Variants in TTN observed in about 807,000 individuals in gnomAD.
The protein encoded by TTN is titin, also known as connectin.
A neutral mutation model predicts 3,223.0 loss-of-function variants in TTN; 1,525 were observed. That is an observed-to-expected ratio of 0.47 (90% CI 0.45 to 0.49). The LOEUF is 0.49. Ranked by LOEUF, TTN falls within the 20% of genes least tolerant of loss-of-function variation. The pLI, the probability that TTN is intolerant of heterozygous loss-of-function variation, is 0.00. For synonymous variants in TTN, 14,094 were observed against 15,161.0 expected (o/e 0.93, Z 5.17); for missense variants, 40,786 against 43,424.0 (o/e 0.94, Z 5.40).
rs1574570701 is a variant in TTN at position 178,770,539 on chromosome 2, T to C, written c.8253A>G (p.Glu2751=). 2 of 1,614,152 alleles carry C rather than the reference T, an allele frequency of 1.2e-6. No homozygotes were observed. The highest frequency in any genetic ancestry group is 1.7e-6 in the Non-Finnish European group (2 of 1,180,004). Residue 2751 remains glutamate (E), a synonymous_variant, in exon 35 of 363, where the codon GAA becomes GAG. Transcript: ENST00000589042. ...TTCCTTTGACAGAGATAGCATACTTTTCATTGGATTCCAGCACAACTCCAT... is the reference window on the plus strand; with the variant it reads ...TTCCTTTGACAGAGATAGCATACTTCTCATTGGATTCCAGCACAACTCCAT... ...IKNGVVLESN[E]KYAISVKGTI...
Position 178,695,866 on chromosome 2 carries a change from T to G in TTN, c.31206A>C (p.Glu10402Asp). The G allele has an allele frequency of 6.9e-7, 1 of 1,448,966 alleles. No individual in the cohort carries two copies. The highest frequency in any genetic ancestry group is 9.1e-7 in the Non-Finnish European group (1 of 1,101,066). The allele number at this position is 1,448,966 out of a possible 1,614,324, so 89.8% of individuals were successfully genotyped here. A position where few individuals can be genotyped will look rare whatever the true frequency, so the allele number is the denominator to read the frequency against. ...EVIQVQKEVY[E>D]ESHERKVPAK... ...ACAAGTCATTCAGTTTATACATACC[T>G]TCATAGACCTCCTTTTGAACTTGAA... Residue 10402 changes from glutamate (E) to aspartate (D), a missense_variant and splice_region_variant, in exon 114 of 363, where the codon GAA becomes GAC. Glu to Asp is a conservative substitution (Grantham distance 45). Transcript: ENST00000589042.
At chr2:178,688,566 A>C in intron 126 of TTN, 111 bp downstream of exon 126, 1 of 781,268 alleles carries the variant, frequency 1.3e-6, no homozygotes, top group Non-Finnish European at 2.2e-6. Flanking sequence ...CAACATAAGG[A>C]GAAATAACTG....
rs971822039 is a variant in TTN at position 178,719,693 on chromosome 2, G to T, written c.23799C>A (p.Ser7933Arg). The T allele has an allele frequency of 6.2e-7, 1 of 1,613,686 alleles. No individual in the cohort carries two copies. Among genetic ancestry groups the T allele is most frequent in the Non-Finnish European group, 8.5e-7 (1 of 1,179,724 alleles). The change falls in exon 82 of 363, where the codon AGC (serine) becomes AGA (arginine). Residue 7933 changes from serine (S) to arginine (R), a missense_variant. Coordinates refer to ENST00000589042, the MANE Select transcript of TTN (RefSeq NM_001267550.2). ...FKDGRELSAD[S>R]KHHITFINKV... is the part of the protein sequence containing the mutation. Reference sequence around the variant, plus strand: ...TATTGATGAATGTAATGTGATGTTTGCTGTCTGCAGACAATTCTCTTCCAT... The same window carrying T: ...TATTGATGAATGTAATGTGATGTTTTCTGTCTGCAGACAATTCTCTTCCAT...
chr2:178,604,339 G>T (rs1279232083), intron 281 of TTN, 34 bp from the exon 282 acceptor site: 15 of 1,398,740 alleles, frequency 1.1e-5, no homozygotes, highest in African/African-American at 1.5e-5. Flanking sequence ...TTATTGAAGA[G>T]AATATACTTA....
rs752194452 is a variant in TTN, at chr2:178,547,132, C to T, written c.94393G>A (p.Glu31465Lys). Residue 31465 changes from glutamate to lysine, a missense_variant, in exon 340 of 363, where the codon GAG becomes AAG. Transcript: ENST00000589042. ...WVKENKVPCL[E>K]CNYKVTGLVE... ...AAACCAGTTACTTTGTAGTTGCACT[C>T]TAAGCATGGCACTTTGTTTTCTTTC... is the stretch of plus-strand genomic sequence containing the variant. 9 of 1,613,718 alleles carry T rather than the reference C, an allele frequency of 5.6e-6. No individual in the cohort carries two copies. Among genetic ancestry groups the T allele is most frequent in the South Asian group, 2.2e-5 (2 of 91,090 alleles).
chr2:178,617,939 C>A lies in TTN; in HGVS notation c.47412G>T (p.Arg15804Ser), dbSNP rs759143403. The A allele has an allele frequency of 3.8e-5, 62 of 1,612,720 alleles. No individual in the cohort carries two copies. In the South Asian group the frequency reaches 6.6e-4, roughly 17 times the overall value. The stretch of plus-strand genomic sequence containing the variant: ...CTCTCACAGTCATGGCAGTATCCCA[C>A]CTGATAGAAGTCTTGTCTCTTAATT... Reference protein sequence around the residue: ...VIELRDKTSIRWDTAMTVRAE... With the variant: ...VIELRDKTSISWDTAMTVRAE... Residue 15804 changes from arginine (R) to serine (S), a missense_variant, in exon 253 of 363, where the codon AGG (arginine) becomes AGT (serine). Physicochemically the swap from Arg to Ser is moderately radical, Grantham distance 110. Coordinates refer to ENST00000589042, the MANE Select transcript of TTN (RefSeq NM_001267550.2).
chr2:178,751,523 C>T, intron 47 of TTN: 2 of 1,613,432 alleles, frequency 1.2e-6, no homozygotes, highest in Non-Finnish European at 1.7e-6. Context: ...ATCTTCTCCC[C>T]TTTCAACTAA....
At chr2:178,698,732 A>T in intron 112 of TTN, 111 bp downstream of exon 112, 1 of 972,906 alleles carries the variant, frequency 1.0e-6, no homozygotes, top group Non-Finnish European at 1.5e-6. Flanking sequence ...AGGGAGAGGT[A>T]CCATTTTGTG....
chr2:178,763,527 C>T (rs902161213), intron 43 of TTN, among the ~76,000 whole-genome samples: 9 of 152,158 alleles, frequency 5.9e-5, no homozygotes, highest in Non-Finnish European at 8.8e-5. Context: ...CTAGCAGGTA[C>T]TATTTTTCAG....
Position 178,732,076 on chromosome 2 carries a change from T to C in TTN, c.16893A>G (p.Val5631=), listed in dbSNP as rs757393270. 2 of 1,604,840 alleles carry C rather than the reference T, an allele frequency of 1.2e-6. No individual in the cohort carries two copies. The highest frequency in any genetic ancestry group is 1.3e-5 in the African/African-American group (1 of 74,696). The change falls in exon 57 of 363, where the codon GTA becomes GTG. Residue 5631 remains valine, a synonymous_variant. Transcript: ENST00000589042. Reference sequence around the variant, plus strand: ...AAAGTGAACACAAACCTTTGACTATTACAATGCTACTGCAGTGGTCACTGC... The same window carrying C: ...AAAGTGAACACAAACCTTTGACTATCACAATGCTACTGCAGTGGTCACTGC... ...EAGSDHCSSI[V]IVKESPYFTK...
In TTN at chr2:178,719,746, G is replaced by A. The variant is rs1264639309; in HGVS notation, c.23746C>T (p.Pro7916Ser). Residue 7916 changes from proline (P) to serine (S), a missense_variant, in exon 82 of 363, where the codon CCA becomes TCA. Pro to Ser is a moderately conservative substitution (Grantham distance 74). Transcript: ENST00000589042. Reference protein sequence around the residue: ...FALECVVTGTPELSAKWFKDG... With the variant: ...FALECVVTGTSELSAKWFKDG... ...TTGAACCACTTGGCTGAGAGTTCTG[G>A]TGTTCCAGTCACTACACACTCTAAT... 1 of 1,613,670 alleles carries A rather than the reference G, an allele frequency of 6.2e-7. No individual in the cohort carries two copies.
rs760535484 is a variant in TTN at position 178,620,242 on chromosome 2, C to T, written c.46279G>A (p.Gly15427Arg). The T allele has an allele frequency of 9.8e-6, 15 of 1,536,916 alleles. No homozygotes were observed. In the South Asian group the frequency reaches 1.7e-4, roughly 18 times the overall value. ...EKANVKWYRN[G>R]REIKEGKKYK... ...TTTTTGCCTTCTTTGATTTCTCTCC[C>T]ATTTCTGTACCATTTTACATTGGCT... is the stretch of plus-strand genomic sequence containing the variant. The change falls in exon 248 of 363, where the codon GGG becomes AGG. Residue 15427 changes from glycine to arginine, a missense_variant. Gly to Arg is a moderately radical substitution (Grantham distance 125, BLOSUM62 -2). Coordinates refer to ENST00000589042, the MANE Select transcript of TTN (RefSeq NM_001267550.2).
chr2:178,670,059 A>G (rs2066700824), intron 157 of TTN, among the ~76,000 whole-genome samples, 159 bp downstream of exon 157: 2 of 152,068 alleles, frequency 1.3e-5, no homozygotes. Flanking sequence ...TTTACGCCTA[A>G]AACATTGCCT....
chr2:178,528,837 C>G lies in TTN; in HGVS notation c.106914G>C (p.Trp35638Cys), dbSNP rs758497512. 7 of 1,613,910 alleles carry G rather than the reference C, an allele frequency of 4.3e-6. No individual in the cohort carries two copies. Among genetic ancestry groups the G allele is most frequent in the Admixed American group, 1.7e-5 (1 of 60,000 alleles). The change falls in exon 360 of 363, where the codon TGG becomes TGC. Residue 35638 changes from tryptophan to cysteine, a missense_variant. Transcript: ENST00000589042. Reference sequence around the variant, plus strand: ...TGGTAAGCTCTACGCCATTCAGTACCCATTTCACATCAGTGGCACCAGCAA... The same window carrying G: ...TGGTAAGCTCTACGCCATTCAGTACGCATTTCACATCAGTGGCACCAGCAA... ...ANIAGATDVK[W>C]VLNGVELTNS...
rs752902967 is a variant in TTN, at chr2:178,549,488, C to A, written c.92153-15G>T. 3.8e-6 allele frequency: 6 copies of A among 1,594,500 alleles called. No individual in the cohort carries two copies. Among genetic ancestry groups the A allele is most frequent in the East Asian group, 2.2e-5 (1 of 44,586 alleles). ...ATCAGGAACAGCTGTAAAACAAAAA[C>A]AAAACCCCAAATCAATTAGATGCAT... is the stretch of plus-strand genomic sequence containing the variant. On this transcript the variant is annotated splice_polypyrimidine_tract_variant and intron_variant, in intron 338 of 362. Transcript: ENST00000589042.
Position 178,652,491 on chromosome 2 carries a change from G to A in TTN, c.39094C>T (p.Pro13032Ser). ...GGTGTGACTTCAGGCTTTTTAGGAG[G>A]AGCCGCTGGCACTTTCTTTTCAGGA... The part of the protein sequence containing the change: ...VVPEKKVPAA[P>S]PKKPEVTPVK... The change falls in exon 202 of 363, where the codon CCT becomes TCT. Residue 13032 changes from proline (P) to serine (S), a missense_variant. By Grantham distance (74) the Pro-to-Ser change is moderately conservative. Transcript: ENST00000589042. The A allele has an allele frequency of 1.2e-6, 2 of 1,613,636 alleles. No homozygotes were observed. The highest frequency in any genetic ancestry group is 2.2e-5 in the South Asian group (2 of 91,068).
chr2:178,629,070 A>G (rs747335923), intron 240 of TTN, among the ~76,000 whole-genome samples: 1 of 152,104 alleles, frequency 6.6e-6, no homozygotes, highest in Non-Finnish European at 1.5e-5. Flanking sequence ...CTAAAACATG[A>G]TCATACTTTA....
rs796799742 is a variant in TTN at position 178,698,849 on chromosome 2, G to A, written c.30748C>T (p.Arg10250Cys). The change falls in exon 112 of 363, where the codon CGT (arginine) becomes TGT (cysteine). Residue 10250 changes from arginine to cysteine, a missense_variant. Arg to Cys is a radical substitution (Grantham distance 180). Transcript: ENST00000589042. ...VVAKPKEMTP[R>C]EEIVKKPPPP... ...TTTTGATTAATTATAATACCTTCAC[G>A]TGGTGTCATCTCTTTGGGCTTTGCA... 35 of 1,543,018 alleles carry A rather than the reference G, an allele frequency of 2.3e-5. No homozygotes were observed. Among genetic ancestry groups the A allele is most frequent in the Non-Finnish European group, 2.5e-5 (29 of 1,145,420 alleles).
chr2:178,804,715 T>G, intron 1 of TTN, 60 bp from the exon 2 acceptor site: 2 of 1,475,108 alleles, frequency 1.4e-6, no homozygotes, highest in Non-Finnish European at 1.9e-6. Flanking sequence ...TGGAGCTGCT[T>G]TGCAGATAGC....
Sources: allele counts gnomAD v4.1 joint callset (sites outside exome capture counted in the v4.1 genomes callset), GRCh38; gene constraint gnomAD v4.1.1; transcripts MANE v1.5; gene names NCBI Gene and HGNC (gene_info 2026-07-23, HGNC 2026-07-21).